Variants in KIF6 observed in about 807,000 individuals in gnomAD.
KIF6 encodes the protein kinesin family member 6, also known as kinesin-like protein KIF6.
In KIF6, 106 loss-of-function variants were observed where a neutral mutation model predicts 112.7. The observed-to-expected ratio is 0.94, with a 90% CI of 0.80 to 1.11. KIF6 has a LOEUF of 1.11. Among genes scored for constraint, KIF6 ranks in the 50% least tolerant of loss-of-function variants. The pLI, the probability that KIF6 is intolerant of heterozygous loss-of-function variation, is 0.00. For missense variants in KIF6, 929 were observed against 964.0 expected, an observed-to-expected ratio of 0.96 and a Z score of 0.48; for synonymous variants, 339 against 339.9, an observed-to-expected ratio of 1.00 and a Z score of 0.03.
chr6:39,410,790 C>G (rs1769420866), intron 15 of KIF6, among the ~76,000 whole-genome samples: 1 of 152,226 alleles, frequency 6.6e-6, no homozygotes, highest in Admixed American at 6.5e-5. Context: ...AATCTTCACA[C>G]AGCTCTCCCT....
chr6:39,436,056 C>T (rs1350215683), intron 13 of KIF6, among the ~76,000 whole-genome samples: 2 of 152,080 alleles, frequency 1.3e-5, no homozygotes, highest in Admixed American at 6.5e-5. Context: ...AATGGCCTTT[C>T]TGGCTGGGGT....
At chr6:39,634,532 T>A (rs1784521741) in intron 5 of KIF6, among the ~76,000 whole-genome samples, 1 of 152,108 alleles carries the variant, frequency 6.6e-6, no homozygotes, top group Non-Finnish European at 1.5e-5. Flanking sequence ...CAGGGTTTCA[T>A]GTGGCAGGAA....
At position 39,585,803 on chromosome 6, in the gene KIF6, C is replaced by G. The variant is rs149127122; in HGVS notation, c.990+458G>C. Among the ~76,000 whole-genome samples, 4 of 152,284 alleles carry G rather than the reference C, an allele frequency of 2.6e-5. No homozygotes were observed. In the East Asian group the frequency reaches 7.7e-4, roughly 29 times the overall value. On this transcript the variant is annotated intron_variant, in intron 8 of 22. Transcript: ENST00000287152. Reference sequence around the variant, plus strand: ...CATTAAACATCAGCTGACTCTAAAGCAACCCAGAAGAGCCATTCAGCAGCT... The same window carrying G: ...CATTAAACATCAGCTGACTCTAAAGGAACCCAGAAGAGCCATTCAGCAGCT...
chr6:39,641,581 C>T (rs1404662786), intron 3 of KIF6, among the ~76,000 whole-genome samples: 2 of 151,100 alleles, frequency 1.3e-5, no homozygotes, highest in East Asian at 3.9e-4. Context: ...CAACATGGCA[C>T]ATGTATACAA....
intron 3 of KIF6, chr6:39,691,417 A>G (rs1302528572): frequency 6.6e-6 from 1 of 152,180 alleles, no homozygotes; most frequent in Non-Finnish European, 1.5e-5. Context: ...TGTAAGTTAT[A>G]TTTCTTGGAG....
chr6:39,374,756 T>C (rs748070118), intron 16 of KIF6, among the ~76,000 whole-genome samples: 1 of 152,184 alleles, frequency 6.6e-6, no homozygotes, highest in Non-Finnish European at 1.5e-5. Context: ...AAGAGAACCC[T>C]TGTACACTGT....
In KIF6 at chr6:39,699,095, T is replaced by C. The variant is rs529433391; in HGVS notation, c.251+15597A>G. 2.4e-3 allele frequency among the ~76,000 whole-genome samples: 361 copies of C among 152,292 alleles called. 3 individuals are homozygous for C. Among genetic ancestry groups the C allele is most frequent in the Non-Finnish European group, 9.7e-4 (66 of 68,024 alleles). On this transcript the variant is annotated intron_variant, in intron 3 of 22. Coordinates refer to ENST00000287152, the MANE Select transcript of KIF6 (RefSeq NM_145027.6). ...CACTATTATATGTGATTGGGAATCA[T>C]TAGTGAAGAAAACAAAAAGATCCCT...
At chr6:39,439,223 C>T (rs764772113) in intron 13 of KIF6, among the ~76,000 whole-genome samples, 4 of 152,216 alleles carry the variant, frequency 2.6e-5, no homozygotes, top group Non-Finnish European at 5.9e-5. Flanking sequence ...CTAAGAGGTA[C>T]TGCAAAGACA....
At chr6:39,466,723 C>T (rs1283665344) in intron 13 of KIF6, among the ~76,000 whole-genome samples, 1 of 152,120 alleles carries the variant, frequency 6.6e-6, no homozygotes, top group Non-Finnish European at 1.5e-5. Context: ...TCTCATGACC[C>T]CTATCTCTGT....
intron 7 of KIF6, among the ~76,000 whole-genome samples, chr6:39,586,817 T>C (rs757002183): frequency 1.4e-4 from 22 of 152,170 alleles, no homozygotes; most frequent in Non-Finnish European, 2.2e-4. Flanking sequence ...AGGATAGTGG[T>C]TGAGGTCCCA....
intron 10 of KIF6, among the ~76,000 whole-genome samples, chr6:39,559,829 TAA>T (rs534131446): frequency 4.9e-5 from 7 of 141,490 alleles, no homozygotes; most frequent in Admixed American, 7.1e-5. Flanking sequence ...AGTGGTACTT[TAA>T]AAAAAAAAAA....
intron 12 of KIF6, among the ~76,000 whole-genome samples, chr6:39,543,814 C>A (rs1778925613): frequency 6.6e-6 from 1 of 152,194 alleles, no homozygotes; most frequent in Non-Finnish European, 1.5e-5. Flanking sequence ...ATAGAAGTAA[C>A]CACTTCGTCT....
chr6:39,615,355 G>A (rs1267720378), intron 5 of KIF6, among the ~76,000 whole-genome samples: 4 of 152,110 alleles, frequency 2.6e-5, no homozygotes, highest in Non-Finnish European at 5.9e-5. Context: ...AGGGAGAGAT[G>A]GGGTAGCAGC....
intron 3 of KIF6, among the ~76,000 whole-genome samples, chr6:39,643,241 A>G (rs1184681587): frequency 1.3e-5 from 2 of 149,710 alleles, no homozygotes; most frequent in African/African-American, 4.9e-5. Context: ...GTAGATGGCA[A>G]TATTCCCTAA....
chr6:39,484,961 A>C (rs576120632), intron 13 of KIF6, among the ~76,000 whole-genome samples: 2 of 152,216 alleles, frequency 1.3e-5, no homozygotes, highest in East Asian at 3.9e-4. Context: ...GGCTGATCCC[A>C]TGGGGGTTCT....
intron 3 of KIF6, among the ~76,000 whole-genome samples, chr6:39,701,727 T>A (rs1788889211): frequency 6.6e-6 from 1 of 152,224 alleles, no homozygotes. Context: ...ATGGAGCCAC[T>A]GAAGGGTTCT....
Position 39,354,594 on chromosome 6 carries a change from G to A in KIF6, c.2180+2683C>T, listed in dbSNP as rs6901181. 8.7e-3 allele frequency among the ~76,000 whole-genome samples: 1,324 copies of A among 152,226 alleles called. 22 individuals are homozygous for A. Among genetic ancestry groups the A allele is most frequent in the African/African-American group, 0.03 (1,262 of 41,538 alleles). ...TACAAGTCATTTGACCTACTTCTCCGTTGCCTCATCTGGAAGCTGAGAATG... is the reference window on the plus strand; with the variant it reads ...TACAAGTCATTTGACCTACTTCTCCATTGCCTCATCTGGAAGCTGAGAATG... On this transcript the variant is annotated intron_variant, in intron 19 of 22. Transcript: ENST00000287152.
chr6:39,346,088 C>CTCTCTCT (rs1562112892), intron 20 of KIF6, among the ~76,000 whole-genome samples: 1 of 34,486 alleles, frequency 2.9e-5, no homozygotes, highest in African/African-American at 1.6e-4. Context: ...CTCTCTCTCC[C>CTCTCTCT]CCCCCTCTCC....
chr6:39,575,427 C>T (rs537962142), intron 10 of KIF6, among the ~76,000 whole-genome samples: 6 of 152,042 alleles, frequency 3.9e-5, no homozygotes, highest in African/African-American at 1.2e-4. Context: ...CCCGCCACCA[C>T]ACCCGGCTAA....
Sources: gnomAD v4.1 joint callset for allele counts (sites outside exome capture counted in the v4.1 genomes callset) on GRCh38, gnomAD v4.1.1 for gene constraint, MANE v1.5 for transcripts, NCBI Gene and HGNC (gene_info 2026-07-23, HGNC 2026-07-21) for gene names.